Variants in PRKG1 observed in about 807,000 individuals in gnomAD.
PRKG1 encodes protein kinase cGMP-dependent 1.
A neutral mutation model predicts 88.1 loss-of-function variants in PRKG1; 35 were observed. That is an observed-to-expected ratio of 0.40 (90% CI 0.30 to 0.53). The LOEUF is 0.53. PRKG1 is among the 20% of genes least tolerant of loss of function. PRKG1 has a pLI of 0.59. For synonymous variants in PRKG1, 303 were observed against 292.5 expected, an observed-to-expected ratio of 1.04 and a Z score of -0.37; for missense variants, 540 against 839.8, an observed-to-expected ratio of 0.64 and a Z score of 4.41.
intron 3 of PRKG1, among the ~76,000 whole-genome samples, chr10:51,773,546 G>A (rs116520741): frequency 0.023 from 3,517 of 152,054 alleles, 122 homozygotes; most frequent in African/African-American, 0.079. Context: ...TCAAGGTTTA[G>A]GACATACTAG....
rs1382306868 is a variant in PRKG1 at position 51,628,160 on chromosome 10, C to CTTTA, written c.592+160332_592+160335dup. 3.0e-3 allele frequency among the ~76,000 whole-genome samples: 155 copies of CTTTA among 51,270 alleles called. 1 individual carries two copies. Among genetic ancestry groups the CTTTA allele is most frequent in the Middle Eastern group, 0.012 (1 of 86 alleles). 33.6% of individuals were successfully genotyped at this position (51,270 alleles called of 152,430 possible). ...TCTTTCTTTCTTTCTTTCTTTCTTT[C>CTTTA]TTTATTTATTTCTTTTCTTTCTTTT... On this transcript the variant is annotated intron_variant, in intron 3 of 17. Transcript: ENST00000373980.
In PRKG1 at chr10:51,943,732, T is replaced by C. The variant is rs144551408; in HGVS notation, c.762+36162T>C. ...ATAATCGTGTGGTTTTTGTCTTTGG[T>C]TCTGTTTATATGCTGGATTACATTT... is the stretch of plus-strand genomic sequence containing the variant. On this transcript the variant is annotated intron_variant, in intron 5 of 17. Transcript: ENST00000373980. 1.1e-4 allele frequency among the ~76,000 whole-genome samples: 17 copies of C among 152,232 alleles called. No individual in the cohort carries two copies. The East Asian group carries it at 1.9e-3, about 17-fold the overall frequency.
chr10:51,694,767 T>C (rs1841241775), intron 3 of PRKG1, among the ~76,000 whole-genome samples: 1 of 152,194 alleles, frequency 6.6e-6, no homozygotes. Context: ...ACGATGATTG[T>C]GTAGAAAAAC....
At chr10:52,203,513 A>T (rs1040858166) in intron 9 of PRKG1, among the ~76,000 whole-genome samples, 2 of 152,132 alleles carry the variant, frequency 1.3e-5, no homozygotes, top group African/African-American at 4.8e-5. Context: ...GAAGTGTTCT[A>T]TAGGTAGATG....
chr10:51,456,253 A>G (rs1839582427), intron 2 of PRKG1, among the ~76,000 whole-genome samples: 1 of 152,106 alleles, frequency 6.6e-6, no homozygotes, highest in Admixed American at 6.5e-5. Flanking sequence ...TGATTTAATT[A>G]TCTCCCACTA....
At chr10:51,639,999 C>T (rs961797115) in intron 3 of PRKG1, among the ~76,000 whole-genome samples, 3 of 152,138 alleles carry the variant, frequency 2.0e-5, no homozygotes, top group Non-Finnish European at 4.4e-5. Context: ...ATCCTGGTGC[C>T]TTTCTCAAGG....
intron 2 of PRKG1, among the ~76,000 whole-genome samples, chr10:51,390,449 T>C (rs1837366872): frequency 6.6e-6 from 1 of 152,194 alleles, no homozygotes; most frequent in Non-Finnish European, 1.5e-5. Flanking sequence ...GGTTATAAAA[T>C]TATCATTAAG....
At chr10:51,126,754 G>T (rs910193047) in intron 1 of PRKG1, among the ~76,000 whole-genome samples, 4 of 151,932 alleles carry the variant, frequency 2.6e-5, no homozygotes, top group African/African-American at 9.7e-5. Context: ...GCATGGTACT[G>T]GTACCAAAGC....
At chr10:51,544,618 C>T (rs374818051) in intron 3 of PRKG1, among the ~76,000 whole-genome samples, 142 of 152,204 alleles carry the variant, frequency 9.3e-4, no homozygotes, top group African/African-American at 3.2e-3. Context: ...CTAGATCCTT[C>T]AGGAATTGCC....
chr10:51,454,923 G>A (rs293274), intron 2 of PRKG1, among the ~76,000 whole-genome samples: 85,016 of 152,026 alleles, frequency 0.56, 25,248 homozygotes, highest in African/African-American at 0.75. Flanking sequence ...TTCAAAACCA[G>A]TCATGCCTTC....
chr10:50,995,993 G>C (rs1458517119), intron 1 of PRKG1, among the ~76,000 whole-genome samples: 1 of 152,186 alleles, frequency 6.6e-6, no homozygotes, highest in Non-Finnish European at 1.5e-5. Context: ...CGAAATCAAG[G>C]AGTTTGGCCT....
At chr10:51,603,529 A>G (rs886795849) in intron 3 of PRKG1, among the ~76,000 whole-genome samples, 1 of 152,162 alleles carries the variant, frequency 6.6e-6, no homozygotes, top group African/African-American at 2.4e-5. Flanking sequence ...CCATTTGCTA[A>G]TAAGATAAAA....
chr10:51,842,228 C>T (rs529768887), intron 4 of PRKG1, among the ~76,000 whole-genome samples: 1 of 152,282 alleles, frequency 6.6e-6, no homozygotes, highest in Admixed American at 6.5e-5. Flanking sequence ...CATTGCATAT[C>T]ATTATTCTGG....
At chr10:51,810,533 T>A (rs1839426712) in intron 4 of PRKG1, among the ~76,000 whole-genome samples, 1 of 152,216 alleles carries the variant, frequency 6.6e-6, no homozygotes, top group Non-Finnish European at 1.5e-5. Flanking sequence ...CAGATTTTAG[T>A]GCTGTGTAAA....
intron 2 of PRKG1, among the ~76,000 whole-genome samples, chr10:51,242,321 C>T (rs771764628): frequency 6.6e-6 from 1 of 152,122 alleles, no homozygotes; most frequent in Non-Finnish European, 1.5e-5. Flanking sequence ...CAACCAAAAG[C>T]CCCTCTAGGA....
At chr10:51,465,422 C>T (rs1839878611) in intron 2 of PRKG1, among the ~76,000 whole-genome samples, 1 of 152,038 alleles carries the variant, frequency 6.6e-6, no homozygotes, top group South Asian at 2.1e-4. Context: ...AGGCTTTATT[C>T]CTTTTGCTTT....
chr10:51,970,334 T>C (rs1831991611), intron 5 of PRKG1, among the ~76,000 whole-genome samples: 1 of 151,918 alleles, frequency 6.6e-6, no homozygotes, highest in Admixed American at 6.6e-5. Flanking sequence ...TAGGATCAAG[T>C]ATTACATTTA....
intron 2 of PRKG1, among the ~76,000 whole-genome samples, chr10:51,433,527 T>C (rs1838831582): frequency 6.6e-6 from 1 of 152,054 alleles, no homozygotes; most frequent in African/African-American, 2.4e-5. Context: ...AAAGGAATAA[T>C]GAATGATGAA....
intron 2 of PRKG1, among the ~76,000 whole-genome samples, chr10:51,381,901 A>T (rs1378250638): frequency 6.6e-6 from 1 of 152,210 alleles, no homozygotes; most frequent in African/African-American, 2.4e-5. Flanking sequence ...TTGTGTCACA[A>T]GCTCTGGGAT....
Sources: allele counts gnomAD v4.1 joint callset (sites outside exome capture counted in the v4.1 genomes callset), GRCh38; gene constraint gnomAD v4.1.1; transcripts MANE v1.5; gene names NCBI Gene and HGNC (gene_info 2026-07-23, HGNC 2026-07-21).